Variants in GRIN2A observed in about 807,000 individuals in gnomAD.
GRIN2A encodes the protein glutamate receptor ionotropic, NMDA 2A.
Under a neutral mutation model 113.4 loss-of-function variants are expected in GRIN2A, and 22 were observed. That is an observed-to-expected ratio of 0.19 (90% CI 0.14 to 0.28). The LOEUF is 0.28. GRIN2A is among the 10% of genes least tolerant of loss of function. GRIN2A has a pLI of 1.00. For missense variants in GRIN2A, 1,502 were observed against 1,887.0 expected (o/e 0.80, Z 3.78); for synonymous variants, 827 against 738.4 (o/e 1.12, Z -1.94).
intron 5 of GRIN2A, among the ~76,000 whole-genome samples, chr16:9,843,488 C>T (rs1423479390): frequency 6.6e-6 from 1 of 152,188 alleles, no homozygotes; most frequent in Non-Finnish European, 1.5e-5. Flanking sequence ...CGACACCATA[C>T]TCAAGCTGGA....
chr16:10,082,260 A>G (rs759510813), intron 2 of GRIN2A, among the ~76,000 whole-genome samples: 10 of 152,234 alleles, frequency 6.6e-5, no homozygotes, highest in Non-Finnish European at 1.2e-4. Context: ...CAGGAAGAAT[A>G]TTTGATTTGG....
At chr16:9,800,135 C>T (rs1243058842) in intron 10 of GRIN2A, among the ~76,000 whole-genome samples, 4 of 151,964 alleles carry the variant, frequency 2.6e-5, no homozygotes, top group Non-Finnish European at 5.9e-5. Context: ...CCACCACTCC[C>T]GGCTAATTTT....
At chr16:10,139,697 G>A (rs1347040028) in intron 2 of GRIN2A, among the ~76,000 whole-genome samples, 2 of 152,134 alleles carry the variant, frequency 1.3e-5, no homozygotes, top group Non-Finnish European at 2.9e-5. Context: ...TGGGGTGGGG[G>A]GAATACCCAA....
chr16:9,957,972 G>T (rs2045344702), intron 2 of GRIN2A, among the ~76,000 whole-genome samples: 1 of 152,156 alleles, frequency 6.6e-6, no homozygotes, highest in Non-Finnish European at 1.5e-5. Flanking sequence ...CATGTTGATT[G>T]TGCATGCTTC....
intron 2 of GRIN2A, among the ~76,000 whole-genome samples, chr16:10,007,299 G>A (rs1281685781): frequency 1.3e-5 from 2 of 152,116 alleles, no homozygotes; most frequent in Non-Finnish European, 2.9e-5. Context: ...ATTCATCATT[G>A]CCTGTCTTTT....
At chr16:9,783,459 T>C (rs1212642754) in intron 11 of GRIN2A, among the ~76,000 whole-genome samples, 1 of 152,242 alleles carries the variant, frequency 6.6e-6, no homozygotes, top group Non-Finnish European at 1.5e-5. Flanking sequence ...AAGGCTTTCA[T>C]GTCTATTTCG....
intron 2 of GRIN2A, among the ~76,000 whole-genome samples, chr16:10,091,075 AC>A (rs1251693843): frequency 6.6e-6 from 1 of 152,312 alleles, no homozygotes; most frequent in East Asian, 1.9e-4. Flanking sequence ...AGAAACTGAA[AC>A]CCTTGTACAT....
At chr16:9,969,743 GT>G (rs2045633754) in intron 2 of GRIN2A, among the ~76,000 whole-genome samples, 1 of 152,188 alleles carries the variant, frequency 6.6e-6, no homozygotes, top group South Asian at 2.1e-4. Context: ...AGGAGGCAGG[GT>G]ATGACTGGCA....
chr16:10,086,365 T>C (rs2048085132), intron 2 of GRIN2A, among the ~76,000 whole-genome samples: 2 of 151,982 alleles, frequency 1.3e-5, no homozygotes, highest in Admixed American at 6.6e-5. Flanking sequence ...CAAAAATAAT[T>C]GTTCCTTGGG....
At chr16:9,790,511 A>G (rs1902542270) in intron 11 of GRIN2A, among the ~76,000 whole-genome samples, 1 of 152,226 alleles carries the variant, frequency 6.6e-6, no homozygotes, top group South Asian at 2.1e-4. Flanking sequence ...ATATGTGCAT[A>G]TATGTGCCTC....
At chr16:10,022,737 C>T (rs1033506473) in intron 2 of GRIN2A, among the ~76,000 whole-genome samples, 4 of 152,096 alleles carry the variant, frequency 2.6e-5, no homozygotes, top group Admixed American at 1.3e-4. Flanking sequence ...ACTGTTTTTC[C>T]ATAAATATAT....
intron 3 of GRIN2A, among the ~76,000 whole-genome samples, chr16:9,912,035 C>A (rs1392701668): frequency 6.6e-6 from 1 of 151,992 alleles, no homozygotes; most frequent in African/African-American, 2.4e-5. Context: ...TGAGTTAGTA[C>A]CTGTAATGTG....
intron 10 of GRIN2A, among the ~76,000 whole-genome samples, chr16:9,818,169 G>T (rs1244854255): frequency 6.6e-6 from 1 of 152,006 alleles, no homozygotes. Flanking sequence ...GTGTGGTGAC[G>T]TGGACACCTG....
intron 3 of GRIN2A, among the ~76,000 whole-genome samples, chr16:9,930,858 G>C (rs1308567728): frequency 1.3e-5 from 2 of 152,170 alleles, no homozygotes; most frequent in African/African-American, 4.8e-5. Context: ...ATTTAAAGTA[G>C]TATCAATGTA....
At chr16:9,976,431 C>G (rs1003275828) in intron 2 of GRIN2A, among the ~76,000 whole-genome samples, 1 of 152,170 alleles carries the variant, frequency 6.6e-6, no homozygotes, top group African/African-American at 2.4e-5. Flanking sequence ...GCTGCCAGAT[C>G]CCGGTGTTCT....
intron 11 of GRIN2A, among the ~76,000 whole-genome samples, chr16:9,784,215 A>G (rs1902086118): frequency 6.6e-6 from 1 of 152,124 alleles, no homozygotes; most frequent in African/African-American, 2.4e-5. Flanking sequence ...GGATCACCTG[A>G]GGTCAGGAGT....
At chr16:10,028,668 G>A (rs1365020959) in intron 2 of GRIN2A, among the ~76,000 whole-genome samples, 4 of 152,186 alleles carry the variant, frequency 2.6e-5, no homozygotes, top group Non-Finnish European at 4.4e-5. Context: ...GGACCATCAG[G>A]TTAGCAAAAA....
At chr16:9,779,476 G>C (rs150661791) in intron 11 of GRIN2A, among the ~76,000 whole-genome samples, 1 of 152,052 alleles carries the variant, frequency 6.6e-6, no homozygotes, top group African/African-American at 2.4e-5. Context: ...AATGGGCATC[G>C]GAGACTTAGT....
chr16:10,099,836 C>T (rs867240138), intron 2 of GRIN2A, among the ~76,000 whole-genome samples: 1 of 152,178 alleles, frequency 6.6e-6, no homozygotes, highest in South Asian at 2.1e-4. Flanking sequence ...AGTACTGAAA[C>T]GTCTGCTCAT....
Sources: gnomAD v4.1 joint callset for allele counts (sites outside exome capture counted in the v4.1 genomes callset) on GRCh38, gnomAD v4.1.1 for gene constraint, MANE v1.5 for transcripts, NCBI Gene and HGNC (gene_info 2026-07-23, HGNC 2026-07-21) for gene names.